RBFOX1: variants seen among roughly 807,000 people sequenced by gnomAD.
RBFOX1 encodes the protein RNA binding protein fox-1 homolog 1.
In RBFOX1, 8 loss-of-function variants were observed where a neutral mutation model predicts 57.7. The observed-to-expected ratio is 0.14, with a 90% CI of 0.08 to 0.25. The LOEUF is 0.25. RBFOX1 is among the 10% of genes least tolerant of loss of function. RBFOX1 has a pLI of 1.00. For missense variants in RBFOX1, 611 were observed against 548.5 expected, an observed-to-expected ratio of 1.11 and a Z score of -1.14; for synonymous variants, 326 against 222.4, an observed-to-expected ratio of 1.47 and a Z score of -4.15.
chr16:7,439,099 A>G lies in RBFOX1; in HGVS notation c.28-79048A>G, dbSNP rs551531667. 2.0e-5 allele frequency among the ~76,000 whole-genome samples: 3 copies of G among 152,272 alleles called. No homozygotes were observed. The East Asian group carries it at 5.8e-4, about 29-fold the overall frequency. ...TGTGCACTCTCAGTGTGCACAGAGG[A>G]GCATGGTCCTCGCGCTGGCAAATGG... On this transcript the variant is annotated intron_variant, in intron 4 of 15. Coordinates refer to ENST00000550418, the MANE Select transcript of RBFOX1 (RefSeq NM_018723.4).
At chr16:6,796,188 C>T (rs1170465462) in intron 3 of RBFOX1, among the ~76,000 whole-genome samples, 2 of 152,058 alleles carry the variant, frequency 1.3e-5, no homozygotes, top group Non-Finnish European at 2.9e-5. Flanking sequence ...AGGGAAACTC[C>T]CATTTTTTAA....
At chr16:5,611,563 A>G (rs919684727) in intron 3 of RBFOX1, among the ~76,000 whole-genome samples, 5 of 152,128 alleles carry the variant, frequency 3.3e-5, no homozygotes, top group Admixed American at 3.3e-4. Flanking sequence ...ACTTCTTTCA[A>G]CTGATAAAAA....
intron 4 of RBFOX1, among the ~76,000 whole-genome samples, chr16:7,490,619 C>A (rs537087833): frequency 1.3e-5 from 2 of 152,186 alleles, no homozygotes; most frequent in African/African-American, 4.8e-5. Flanking sequence ...TTAGCAAATT[C>A]TACTTTGTGG....
At chr16:6,111,401 T>C (rs901470065) in intron 1 of RBFOX1, among the ~76,000 whole-genome samples, 2 of 152,186 alleles carry the variant, frequency 1.3e-5, no homozygotes, top group African/African-American at 4.8e-5. Flanking sequence ...AATTGGACTT[T>C]CCTGATACAC....
chr16:6,499,743 C>G (rs559394303), intron 2 of RBFOX1, among the ~76,000 whole-genome samples: 40 of 152,158 alleles, frequency 2.6e-4, no homozygotes, highest in African/African-American at 8.7e-4. Context: ...GTAGGGCAAA[C>G]TATAATTTCA....
intron 4 of RBFOX1, among the ~76,000 whole-genome samples, chr16:7,158,669 CGTAT>C (rs2077647260): frequency 6.8e-6 from 1 of 146,100 alleles, no homozygotes. Flanking sequence ...CGTGCACGCA[CGTAT>C]GTGTGTATGG....
At chr16:7,406,123 A>G (rs2098336185) in intron 4 of RBFOX1, among the ~76,000 whole-genome samples, 1 of 152,190 alleles carries the variant, frequency 6.6e-6, no homozygotes, top group Non-Finnish European at 1.5e-5. Context: ...AGATACCCGC[A>G]TTGCCCAAAA....
Position 7,166,972 on chromosome 16 carries a change from C to CTTTTTTTTTTTTT in RBFOX1, c.27+114897_27+114909dup, listed in dbSNP as rs537293692. 5.1e-4 allele frequency among the ~76,000 whole-genome samples: 25 copies of CTTTTTTTTTTTTT among 49,106 alleles called. 1 individual carries two copies. Among genetic ancestry groups the CTTTTTTTTTTTTT allele is most frequent in the African/African-American group, 1.2e-3 (12 of 9,922 alleles). The allele number at this position is 49,106 out of a possible 152,430, so 32.2% of individuals were successfully genotyped here. On this transcript the variant is annotated intron_variant, in intron 4 of 15. Coordinates refer to ENST00000550418, the MANE Select transcript of RBFOX1 (RefSeq NM_018723.4). Reference sequence around the variant, plus strand: ...AGCCCCAGATTGCTGCATTGGTGTTCTTTTTTTTTTTTTTTTTTTTTTTTT... The same window carrying CTTTTTTTTTTTTT: ...AGCCCCAGATTGCTGCATTGGTGTTCTTTTTTTTTTTTTTTTTTTTTTTTTTTTTTTTTTTTTT...
chr16:6,074,192 C>G (rs1424700674), intron 1 of RBFOX1, among the ~76,000 whole-genome samples: 3 of 152,156 alleles, frequency 2.0e-5, no homozygotes, highest in Middle Eastern at 3.2e-3. Context: ...TTGTGATCCG[C>G]CCGCCTCAGC....
intron 2 of RBFOX1, among the ~76,000 whole-genome samples, chr16:6,447,119 C>T (rs947635780): frequency 2.0e-5 from 3 of 152,178 alleles, no homozygotes; most frequent in Non-Finnish European, 4.4e-5. Flanking sequence ...TGTTAAAATT[C>T]ATTCATTAAA....
intron 1 of RBFOX1, among the ~76,000 whole-genome samples, chr16:6,044,188 C>A (rs372717016): frequency 1.3e-5 from 2 of 152,294 alleles, no homozygotes; most frequent in East Asian, 3.9e-4. Context: ...ACAGGTATGT[C>A]TTGAATTAGG....
At chr16:5,648,081 A>G (rs955843058) in intron 3 of RBFOX1, among the ~76,000 whole-genome samples, 6 of 152,136 alleles carry the variant, frequency 3.9e-5, no homozygotes, top group South Asian at 2.1e-4. Context: ...GCTGTTCTCA[A>G]ACTCCTTACT....
chr16:5,240,150 G>T lies in RBFOX1; in HGVS notation c.219+45G>T, dbSNP rs370622796. Reference sequence around the variant, plus strand: ...GGGTCCGGGGGTGCCGGGGGCGCGGGGGTGCCGGAGACGCGGGGTAGGGGC... The same window carrying T: ...GGGTCCGGGGGTGCCGGGGGCGCGGTGGTGCCGGAGACGCGGGGTAGGGGC... On this transcript the variant is annotated intron_variant, in intron 1 of 2. Coordinates refer to the RBFOX1 transcript ENST00000585867. 7.1e-6 allele frequency: 9 copies of T among 1,261,148 alleles called. No homozygotes were observed. In the African/African-American group the frequency reaches 1.1e-4, roughly 15 times the overall value. 78.1% of individuals were successfully genotyped at this position (1,261,148 alleles called of 1,614,324 possible).
chr16:7,670,038 A>G (rs1341174038), intron 13 of RBFOX1, among the ~76,000 whole-genome samples: 1 of 152,154 alleles, frequency 6.6e-6, no homozygotes, highest in Admixed American at 6.5e-5. Context: ...TCCAGAAGAG[A>G]AACTTTTTTG....
intron 3 of RBFOX1, among the ~76,000 whole-genome samples, chr16:5,854,717 G>T (rs1414721006): frequency 2.0e-5 from 3 of 152,092 alleles, no homozygotes; most frequent in Non-Finnish European, 2.9e-5. Flanking sequence ...ATATCTTTGA[G>T]ATACTAATTT....
intron 12 of RBFOX1, among the ~76,000 whole-genome samples, chr16:7,659,847 G>T (rs2067250179): frequency 6.6e-6 from 1 of 152,044 alleles, no homozygotes; most frequent in African/African-American, 2.4e-5. Flanking sequence ...TTTTGGAGGG[G>T]AGAATGTGAA....
rs140967221 is a variant in RBFOX1 at position 6,441,069 on chromosome 16, T to TGATGACCA, written c.-64+124015_-64+124022dup. On this transcript the variant is annotated intron_variant, in intron 2 of 15. Coordinates refer to ENST00000550418, the MANE Select transcript of RBFOX1 (RefSeq NM_018723.4). ...GGATGTTGAGTGCACCGTCCAAGAG[T>TGATGACCA]GATGACCAGAGTCATGGCGGACGGA... Among the ~76,000 whole-genome samples, 881 of 151,862 alleles carry TGATGACCA rather than the reference T, an allele frequency of 5.8e-3. 29 individuals are homozygous for TGATGACCA. The East Asian group carries it at 0.12, about 21-fold the overall frequency.
intron 1 of RBFOX1, among the ~76,000 whole-genome samples, chr16:6,206,853 T>G (rs939724524): frequency 6.6e-5 from 10 of 152,206 alleles, no homozygotes; most frequent in Non-Finnish European, 1.3e-4. Context: ...CGCTATTTTA[T>G]ATTTTGGGAC....
At chr16:5,582,102 C>G (rs949588529) in intron 2 of RBFOX1, among the ~76,000 whole-genome samples, 3 of 152,214 alleles carry the variant, frequency 2.0e-5, no homozygotes, top group Admixed American at 1.3e-4. Flanking sequence ...TGACAGCTCC[C>G]TCTTCTGCAG....
Sources: gnomAD v4.1 joint callset for allele counts (sites outside exome capture counted in the v4.1 genomes callset) on GRCh38, gnomAD v4.1.1 for gene constraint, MANE v1.5 for transcripts, NCBI Gene and HGNC (gene_info 2026-07-23, HGNC 2026-07-21) for gene names.